Variants in ACTR6 observed in about 807,000 individuals in gnomAD.
The protein encoded by ACTR6 is actin related protein 6.
ACTR6 carries 50 observed loss-of-function variants against 52.5 expected under a neutral mutation model. That is an observed-to-expected ratio of 0.95 (90% confidence interval 0.76 to 1.20). ACTR6 has a LOEUF of 1.20. Among genes scored for constraint, ACTR6 ranks in the 50% most tolerant of loss-of-function variants. ACTR6 has a pLI of 0.00. For missense variants in ACTR6, 344 were observed against 472.4 expected (o/e 0.73, Z 2.52); for synonymous variants, 135 against 147.2 (o/e 0.92, Z 0.60).
At chr12:100,221,461 G>A (rs2153901282) in intron 10 of ACTR6, among the ~76,000 whole-genome samples, 1 of 152,116 alleles carries the variant, frequency 6.6e-6, no homozygotes, top group Admixed American at 6.5e-5. Context: ...AAGCATATTG[G>A]CTTTTTCTCT....
rs1420902654 is a variant in ACTR6, at chr12:100,224,190, TTTTAAG to T, written c.*281_*286del. The T allele has an allele frequency of 9.2e-6, 2 of 217,548 alleles. No homozygotes were observed. Among genetic ancestry groups the T allele is most frequent in the African/African-American group, 2.3e-5 (1 of 43,634 alleles). 13.5% of individuals were successfully genotyped at this position (217,548 alleles called of 1,614,324 possible). A position where few individuals can be genotyped will look rare whatever the true frequency, so the allele number is the denominator to read the frequency against. Reference sequence around the variant, plus strand: ...TTTCATTAAAAGAAGAATGAATGCATTTTAAGTTTAATTCTTCATAGCTGAAAGCAC... The same window carrying T: ...TTTCATTAAAAGAAGAATGAATGCATTTTAATTCTTCATAGCTGAAAGCAC... On this transcript the variant is annotated 3_prime_UTR_variant, in exon 11 of 11. Coordinates refer to ENST00000188312, the MANE Select transcript of ACTR6 (RefSeq NM_022496.5).
At chr12:100,211,465 T>C (rs2096119845) in intron 6 of ACTR6, among the ~76,000 whole-genome samples, 1 of 151,914 alleles carries the variant, frequency 6.6e-6, no homozygotes, top group Non-Finnish European at 1.5e-5. Flanking sequence ...TAGAAACAGG[T>C]TCTCACTATG....
chr12:100,204,178 T>A (rs2096112468), intron 1 of ACTR6: 1 of 152,178 alleles, frequency 6.6e-6, no homozygotes, highest in Non-Finnish European at 1.5e-5. Context: ...TATTATTATT[T>A]TAAAATAGAG....
intron 8 of ACTR6, among the ~76,000 whole-genome samples, chr12:100,213,274 G>A (rs116065478): frequency 0.017 from 2,521 of 152,084 alleles, 66 homozygotes; most frequent in African/African-American, 0.058. Context: ...TGTATTTTTT[G>A]TAGAGGTGGG....
At chr12:100,202,329 C>G (rs1309627949) in intron 1 of ACTR6, among the ~76,000 whole-genome samples, 1 of 151,956 alleles carries the variant, frequency 6.6e-6, no homozygotes, top group Non-Finnish European at 1.5e-5. Flanking sequence ...GGGAAGGAAG[C>G]TAAATAATCA....
chr12:100,218,687 G>A lies in ACTR6; in HGVS notation c.922+101G>A. 9.9e-6 allele frequency: 7 copies of A among 708,674 alleles called. No individual in the cohort carries two copies. The highest frequency in any genetic ancestry group is 1.2e-5 in the Non-Finnish European group (6 of 499,260). The allele number at this position is 708,674 out of a possible 1,614,324, so 43.9% of individuals were successfully genotyped here. On this transcript the variant is annotated intron_variant, in intron 9 of 10. Transcript: ENST00000188312. The surrounding 1 kb of genome is among the most constrained non-coding windows in gnomAD (Gnocchi z 4.2). ...TCTAAATAATTTCAGGCAAATTGGT[G>A]AGTCTGTTTTATTTGCAGAGATTTG...
rs1321602147 is a variant in ACTR6, at chr12:100,218,618, A to G, written c.922+32A>G. ...AAATAGAGTAAAATACTAAAGAATT[A>G]TAATTGTTTTAAAAACATCATAAGC... is the stretch of plus-strand genomic sequence containing the variant. On this transcript the variant is annotated intron_variant, in intron 9 of 10. Coordinates refer to ENST00000188312, the MANE Select transcript of ACTR6 (RefSeq NM_022496.5). This position sits in a 1 kb window ranked among gnomAD's most constrained non-coding sequence, Gnocchi z 4.2. The G allele has an allele frequency of 1.5e-6, 2 of 1,348,380 alleles. No individual in the cohort carries two copies. The highest frequency in any genetic ancestry group is 1.5e-5 in the African/African-American group (1 of 66,374). 83.5% of individuals were successfully genotyped at this position (1,348,380 alleles called of 1,614,324 possible). A position where few individuals can be genotyped will look rare whatever the true frequency, so the allele number is the denominator to read the frequency against.
At chr12:100,220,867 G>A (rs756714752) in intron 10 of ACTR6, among the ~76,000 whole-genome samples, 4 of 152,008 alleles carry the variant, frequency 2.6e-5, no homozygotes, top group African/African-American at 4.8e-5. Context: ...TGCACCTGTA[G>A]TCCCAGCTAC....
In ACTR6 at chr12:100,212,241, T is replaced by A. The variant is rs775065690; in HGVS notation, c.573-15T>A. Reference sequence around the variant, plus strand: ...ATTGTTTTGCTTCAAATTTTACAACTTTTATTTCTGTTAGGCAGCTACATG... The same window carrying A: ...ATTGTTTTGCTTCAAATTTTACAACATTTATTTCTGTTAGGCAGCTACATG... On this transcript the variant is annotated splice_polypyrimidine_tract_variant and intron_variant, in intron 6 of 10. Transcript: ENST00000188312. 1 of 1,525,936 alleles carries A rather than the reference T, an allele frequency of 6.6e-7. No homozygotes were observed. The highest frequency in any genetic ancestry group is 1.3e-5 in the South Asian group (1 of 79,656). 94.5% of individuals were successfully genotyped at this position (1,525,936 alleles called of 1,614,324 possible).
chr12:100,212,384 A>G, intron 7 of ACTR6, 30 bp downstream of exon 7: 1 of 1,593,252 alleles, frequency 6.3e-7, no homozygotes, highest in Non-Finnish European at 8.6e-7. Context: ...AAGAATTGGA[A>G]AGTAGATTGT....
At chr12:100,215,591 T>C (rs2096123363) in intron 8 of ACTR6, among the ~76,000 whole-genome samples, 1 of 152,226 alleles carries the variant, frequency 6.6e-6, no homozygotes, top group African/African-American at 2.4e-5. Context: ...TGTATTTTAA[T>C]AGCAGATGAG....
chr12:100,220,943 C>T (rs1427185666), intron 10 of ACTR6, among the ~76,000 whole-genome samples: 1 of 151,098 alleles, frequency 6.6e-6, no homozygotes, highest in Non-Finnish European at 1.5e-5. Flanking sequence ...GCTAAGATTG[C>T]ACCACTGTAT....
chr12:100,223,742 T>C (rs749650060), intron 10 of ACTR6, 44 bp from the exon 11 acceptor site: 1 of 1,574,980 alleles, frequency 6.3e-7, no homozygotes, highest in East Asian at 2.3e-5. Context: ...GCATTTCAGT[T>C]TTCCTGTAAA....
chr12:100,207,778 G>C lies in ACTR6; in HGVS notation c.371G>C (p.Arg124Thr). Reference protein sequence around the residue: ...FEEYQFQAVLRVNAGALSAHR... With the variant: ...FEEYQFQAVLTVNAGALSAHR... ...GAATACCAGTTTCAAGCAGTATTAA[G>C]AGTAAATGGTGAGTTCAAGTTTTCA... The change falls in exon 4 of 11, where the codon AGA becomes ACA. Residue 124 changes from arginine (R) to threonine (T), a missense_variant. Coordinates refer to ENST00000188312, the MANE Select transcript of ACTR6 (RefSeq NM_022496.5). 6.3e-7 allele frequency: 1 copy of C among 1,596,392 alleles called. No individual in the cohort carries two copies. Among genetic ancestry groups the C allele is most frequent in the Non-Finnish European group, 8.6e-7 (1 of 1,167,424 alleles).
chr12:100,208,720 A>T (rs2096117213), intron 4 of ACTR6: 1 of 455,732 alleles, frequency 2.2e-6, no homozygotes, highest in African/African-American at 2.0e-5. Flanking sequence ...CTTTCCTGTC[A>T]TTTATGTGTT....
chr12:100,218,633 A>G lies in ACTR6; in HGVS notation c.922+47A>G. The G allele has an allele frequency of 4.7e-6, 6 of 1,270,676 alleles. No homozygotes were observed. Among genetic ancestry groups the G allele is most frequent in the Non-Finnish European group, 6.2e-6 (6 of 971,518 alleles). 78.7% of individuals were successfully genotyped at this position (1,270,676 alleles called of 1,614,324 possible). On this transcript the variant is annotated intron_variant, in intron 9 of 10. Transcript: ENST00000188312. This position sits in a 1 kb window ranked among gnomAD's most constrained non-coding sequence, Gnocchi z 4.2. ...CTAAAGAATTATAATTGTTTTAAAA[A>G]CATCATAAGCCCTGTGAACCCTGTT...
intron 1 of ACTR6, among the ~76,000 whole-genome samples, chr12:100,202,292 G>A (rs2096110410): frequency 6.6e-6 from 1 of 152,080 alleles, no homozygotes; most frequent in Non-Finnish European, 1.5e-5. Context: ...ATTATTCATA[G>A]TCATCGTATA....
chr12:100,220,238 G>T, intron 10 of ACTR6, 92 bp downstream of exon 10: 2 of 1,285,160 alleles, frequency 1.6e-6, no homozygotes, highest in Non-Finnish European at 2.2e-6. Context: ...GCTCTCCCAC[G>T]GTGGCAGGTT....
At chr12:100,201,494 C>T (rs1454275297) in intron 1 of ACTR6, among the ~76,000 whole-genome samples, 1 of 152,198 alleles carries the variant, frequency 6.6e-6, no homozygotes, top group African/African-American at 2.4e-5. Flanking sequence ...AAAGACACGC[C>T]TTTCCTTTAT....
Sources: gnomAD v4.1 joint callset for allele counts (sites outside exome capture counted in the v4.1 genomes callset) on GRCh38, gnomAD v4.1.1 for gene constraint, Gnocchi (gnomAD v3.1) non-coding constraint, MANE v1.5 for transcripts, NCBI Gene and HGNC (gene_info 2026-07-23, HGNC 2026-07-21) for gene names.